NAALADL2: variants seen among roughly 807,000 people sequenced by gnomAD.
The protein encoded by NAALADL2 is N-acetylated alpha-linked acidic dipeptidase like 2, also known as inactive N-acetylated-alpha-linked acidic dipeptidase-like protein 2.
In NAALADL2, 76 loss-of-function variants were observed where a neutral mutation model predicts 87.2. The observed-to-expected ratio is 0.87, with a 90% CI of 0.72 to 1.05. The LOEUF (loss-of-function observed/expected upper bound fraction) is 1.05. Ranked by LOEUF, NAALADL2 falls within the 50% of genes least tolerant of loss-of-function variation. The pLI is 0.00. For missense variants in NAALADL2, 1,089 were observed against 945.8 expected (o/e 1.15, Z -1.99); for synonymous variants, 354 against 331.0 (o/e 1.07, Z -0.75).
intron 5 of NAALADL2, among the ~76,000 whole-genome samples, chr3:175,388,166 G>T (rs1768632272): frequency 2.0e-5 from 3 of 152,096 alleles, no homozygotes; most frequent in Admixed American, 2.0e-4. Flanking sequence ...GTAAGTGTAT[G>T]ATGAAGACAT....
intron 3 of NAALADL2, among the ~76,000 whole-genome samples, chr3:175,250,680 C>T (rs554107746): frequency 6.6e-6 from 1 of 152,074 alleles, no homozygotes; most frequent in African/African-American, 2.4e-5. Context: ...TCCTTGAATT[C>T]TAGTCATATA....
intron 2 of NAALADL2, among the ~76,000 whole-genome samples, chr3:175,131,383 G>GT (rs1727829272): frequency 6.6e-6 from 1 of 152,066 alleles, no homozygotes; most frequent in South Asian, 2.1e-4. Flanking sequence ...TCAAGCATCT[G>GT]TTTAACAAAG....
Position 175,805,637 on chromosome 3 carries a change from T to C in NAALADL2, c.*2434T>C, listed in dbSNP as rs1182764203. On this transcript the variant is annotated 3_prime_UTR_variant, in exon 14 of 14. Transcript: ENST00000454872. ...TCAAATAAATAAAATCCTGAGCAAA[T>C]TAATAGCAAGTGTTAATGTGAATTG... The C allele has an allele frequency of 6.7e-6, 1 of 148,468 alleles. No homozygotes were observed. Among genetic ancestry groups the C allele is most frequent in the African/African-American group, 2.5e-5 (1 of 40,652 alleles). 9.2% of individuals were successfully genotyped at this position (148,468 alleles called of 1,614,324 possible).
intron 9 of NAALADL2, among the ~76,000 whole-genome samples, chr3:175,511,355 G>A (rs1343954925): frequency 6.6e-6 from 1 of 152,164 alleles, no homozygotes; most frequent in African/African-American, 2.4e-5. Context: ...GTTAAAATGA[G>A]GCTGTCAGCC....
chr3:175,126,936 G>A (rs562841109), intron 2 of NAALADL2, among the ~76,000 whole-genome samples: 1 of 150,978 alleles, frequency 6.6e-6, no homozygotes, highest in South Asian at 2.1e-4. Context: ...AAGTGTCATG[G>A]TAAATGTTAT....
In NAALADL2 at chr3:175,554,710, T is replaced by C. The variant is rs114938508; in HGVS notation, c.1654-21331T>C. ...GTAGGGTTAACAACTTTAGAAATCA[T>C]TTAAAAATCTTGTTAATTTAATAAG... On this transcript the variant is annotated intron_variant, in intron 9 of 13. Coordinates refer to ENST00000454872, the MANE Select transcript of NAALADL2 (RefSeq NM_207015.3). Among the ~76,000 whole-genome samples the C allele has an allele frequency of 3.4e-3, 522 of 152,254 alleles. 2 individuals are homozygous for C. Among genetic ancestry groups the C allele is most frequent in the African/African-American group, 0.011 (474 of 41,546 alleles).
At chr3:174,970,446 G>T (rs1743467727) in intron 1 of NAALADL2, among the ~76,000 whole-genome samples, 2 of 152,180 alleles carry the variant, frequency 1.3e-5, no homozygotes, top group South Asian at 4.2e-4. Context: ...GTTGCTTTAG[G>T]TTGTTAATCT....
chr3:174,580,104 G>GA (rs910414405), intron 2 of NAALADL2, among the ~76,000 whole-genome samples: 28 of 151,076 alleles, frequency 1.9e-4, no homozygotes, highest in East Asian at 9.7e-4. Flanking sequence ...TTTTTTTCCT[G>GA]AAAAAAAATA....
At chr3:174,750,238 T>C (rs530878008) in intron 3 of NAALADL2, among the ~76,000 whole-genome samples, 2 of 152,292 alleles carry the variant, frequency 1.3e-5, no homozygotes, top group East Asian at 1.9e-4. Context: ...AAGAGATCTT[T>C]AGCAATTCTA....
At chr3:174,591,939 T>C (rs1170007724) in intron 2 of NAALADL2, among the ~76,000 whole-genome samples, 1 of 152,162 alleles carries the variant, frequency 6.6e-6, no homozygotes, top group Non-Finnish European at 1.5e-5. Context: ...GGTCTGTGTA[T>C]TTTTCACCAA....
intron 4 of NAALADL2, among the ~76,000 whole-genome samples, chr3:175,293,074 G>C (rs903684733): frequency 6.7e-6 from 1 of 148,378 alleles, no homozygotes; most frequent in East Asian, 2.0e-4. Context: ...GGGGGAACTC[G>C]GTTATTGTTC....
In NAALADL2 at chr3:175,612,171, A is replaced by G. The variant is rs145850468; in HGVS notation, c.1801-15120A>G. On this transcript the variant is annotated intron_variant, in intron 10 of 13. Transcript: ENST00000454872. ...TCCAGCGACATCTGACTGTATTAATATGAAGTCATTCATATGTTGCCAAAT... is the reference window on the plus strand; with the variant it reads ...TCCAGCGACATCTGACTGTATTAATGTGAAGTCATTCATATGTTGCCAAAT... Among the ~76,000 whole-genome samples, 570 of 152,334 alleles carry G rather than the reference A, an allele frequency of 3.7e-3. 1 individual carries two copies. The highest frequency in any genetic ancestry group is 0.013 in the African/African-American group (541 of 41,580).
chr3:174,967,268 A>C (rs1161168046), intron 1 of NAALADL2, among the ~76,000 whole-genome samples: 3 of 152,102 alleles, frequency 2.0e-5, no homozygotes, highest in Admixed American at 1.3e-4. Context: ...CAATAGGATA[A>C]GCATAAATGA....
chr3:175,433,813 A>G (rs1337674500), intron 5 of NAALADL2, among the ~76,000 whole-genome samples: 1 of 152,016 alleles, frequency 6.6e-6, no homozygotes, highest in Non-Finnish European at 1.5e-5. Flanking sequence ...TTTATGTAAG[A>G]AAATTCTCAT....
At chr3:175,036,951 G>A (rs912857378) in intron 1 of NAALADL2, among the ~76,000 whole-genome samples, 2 of 151,576 alleles carry the variant, frequency 1.3e-5, no homozygotes, top group South Asian at 4.2e-4. Flanking sequence ...CCTCCTACAT[G>A]CAGCTCTTCC....
intron 9 of NAALADL2, among the ~76,000 whole-genome samples, chr3:175,572,493 C>T (rs1718234500): frequency 6.6e-6 from 1 of 151,108 alleles, no homozygotes; most frequent in Non-Finnish European, 1.5e-5. Flanking sequence ...AATAAATAGG[C>T]AAGGCAGAGC....
chr3:174,752,402 A>G (rs1192607312), intron 3 of NAALADL2, among the ~76,000 whole-genome samples: 2 of 152,064 alleles, frequency 1.3e-5, no homozygotes, highest in Non-Finnish European at 2.9e-5. Flanking sequence ...TATCTCTTGA[A>G]TTCAGTTTTG....
chr3:174,884,492 T>G (rs9836730), intron 1 of NAALADL2, among the ~76,000 whole-genome samples: 24,700 of 152,040 alleles, frequency 0.16, 2,362 homozygotes, highest in East Asian at 0.3. Context: ...AGCTGTAAAG[T>G]GGGTGCCTTG....
At chr3:175,299,902 A>G (rs1756834556) in intron 4 of NAALADL2, among the ~76,000 whole-genome samples, 3 of 152,174 alleles carry the variant, frequency 2.0e-5, no homozygotes, top group African/African-American at 7.2e-5. Flanking sequence ...TTGCCCATTC[A>G]TTATGATATT....
Sources: allele counts gnomAD v4.1 joint callset (sites outside exome capture counted in the v4.1 genomes callset), GRCh38; gene constraint gnomAD v4.1.1; transcripts MANE v1.5; gene names NCBI Gene and HGNC (gene_info 2026-07-23, HGNC 2026-07-21).